INTS6: variants seen among roughly 807,000 people sequenced by gnomAD.
The protein encoded by INTS6 is integrator complex subunit 6.
In INTS6, 16 loss-of-function variants were observed where a neutral mutation model predicts 104.9. That is an observed-to-expected ratio of 0.15 (90% CI 0.10 to 0.23). The LOEUF (loss-of-function observed/expected upper bound fraction) is 0.23. Among genes scored for constraint, INTS6 ranks in the 10% least tolerant of loss-of-function variants. The probability of loss-of-function intolerance (pLI) is 1.00; values close to 1 mark genes in which losing one functional copy is unlikely to be tolerated. For synonymous variants in INTS6, 324 were observed against 358.7 expected (o/e 0.90, Z 1.09); for missense variants, 584 against 1,062.8 (o/e 0.55, Z 6.26).
the INTS6 span, chr13:51,341,082 C>T: frequency 6.2e-7 from 1 of 1,612,888 alleles, no homozygotes; most frequent in South Asian, 1.1e-5. Context: ...CAGGAACCCT[C>T]CCAGCCTCCA....
intron 11 of INTS6, among the ~76,000 whole-genome samples, chr13:51,379,129 TAAAG>T (rs1955995311): frequency 6.6e-6 from 1 of 151,726 alleles, no homozygotes; most frequent in South Asian, 2.1e-4. Flanking sequence ...TTTCAAAACA[TAAAG>T]AGTTTTTTTT....
chr13:51,347,314 G>A, the INTS6 span: 2 of 1,198,928 alleles, frequency 1.7e-6, no homozygotes, highest in Non-Finnish European at 1.2e-6. Flanking sequence ...CCAGGTCCCT[G>A]CTCCTAAGGG....
the INTS6 span, among the ~76,000 whole-genome samples, chr13:51,343,832 C>T: frequency 1.3e-5 from 2 of 152,202 alleles, no homozygotes; most frequent in Non-Finnish European, 1.5e-5. Flanking sequence ...GTCACTGTAA[C>T]ATTGCACATA....
Position 51,436,170 on chromosome 13 carries a change from A to G in INTS6, c.340-5787T>C, listed in dbSNP as rs535672665. ...AAACTGATTAGCCATGGTTGCCTCCATAGAAAGGAAGTAAACAATTGGGTA... is the reference window on the plus strand; with the variant it reads ...AAACTGATTAGCCATGGTTGCCTCCGTAGAAAGGAAGTAAACAATTGGGTA... On this transcript the variant is annotated intron_variant, in intron 3 of 17. Coordinates refer to ENST00000311234, the MANE Select transcript of INTS6 (RefSeq NM_012141.3). Among the ~76,000 whole-genome samples the G allele has an allele frequency of 3.9e-5, 6 of 152,260 alleles. No individual in the cohort carries two copies. The South Asian group carries it at 1.2e-3, about 32-fold the overall frequency.
At chr13:51,416,591 T>C (rs928207414) in intron 4 of INTS6, among the ~76,000 whole-genome samples, 1 of 152,246 alleles carries the variant, frequency 6.6e-6, no homozygotes, top group East Asian at 1.9e-4. Context: ...TTCCATTGTA[T>C]GGATGTATCA....
At chr13:51,345,290 A>G in the INTS6 span, among the ~76,000 whole-genome samples, 1 of 152,182 alleles carries the variant, frequency 6.6e-6, no homozygotes, top group South Asian at 2.1e-4. Context: ...ATCATTTCAA[A>G]AGTTTCATAG....
At chr13:51,368,867 CTTTT>C (rs141440216) in intron 16 of INTS6, 68 bp downstream of exon 16, 7 of 1,431,780 alleles carry the variant, frequency 4.9e-6, no homozygotes, top group African/African-American at 2.9e-5. Context: ...AGTTACTTGA[CTTTT>C]TTTTTCTTTT....
chr13:51,406,227 A>C (rs1318191292), intron 4 of INTS6, among the ~76,000 whole-genome samples: 2 of 152,088 alleles, frequency 1.3e-5, no homozygotes, highest in Non-Finnish European at 2.9e-5. Flanking sequence ...ATCAATAATC[A>C]AATAATAAAA....
intron 3 of INTS6, among the ~76,000 whole-genome samples, chr13:51,431,556 C>A (rs1173735455): frequency 6.6e-6 from 1 of 152,134 alleles, no homozygotes; most frequent in Non-Finnish European, 1.5e-5. Flanking sequence ...TTACAACTCT[C>A]AATTCCTAAC....
At chr13:51,334,578 C>T in the INTS6 span, among the ~76,000 whole-genome samples, 2 of 151,908 alleles carry the variant, frequency 1.3e-5, no homozygotes, top group South Asian at 2.1e-4. Flanking sequence ...TTTTTTGAGG[C>T]GCTTAATAAA....
intron 3 of INTS6, among the ~76,000 whole-genome samples, chr13:51,435,680 C>T (rs1334472135): frequency 4.6e-5 from 7 of 151,922 alleles, no homozygotes; most frequent in Non-Finnish European, 1.0e-4. Flanking sequence ...CTCAGGAAAA[C>T]AATTATTTTC....
intron 13 of INTS6, among the ~76,000 whole-genome samples, chr13:51,375,283 C>T (rs898718634): frequency 2.8e-5 from 4 of 144,644 alleles, no homozygotes; most frequent in Admixed American, 7.1e-5. Context: ...ACCCAGGATG[C>T]GGAGGTTGCA....
At chr13:51,436,067 T>G (rs1489770683) in intron 3 of INTS6, among the ~76,000 whole-genome samples, 1 of 152,082 alleles carries the variant, frequency 6.6e-6, no homozygotes. Context: ...GATGTCAAAC[T>G]CTAAAATATT....
At chr13:51,411,868 C>CA (rs1956693822) in intron 4 of INTS6, among the ~76,000 whole-genome samples, 2 of 152,212 alleles carry the variant, frequency 1.3e-5, no homozygotes, top group South Asian at 4.2e-4. Context: ...ACTTGTATAC[C>CA]AATGTTCACA....
intron 4 of INTS6, among the ~76,000 whole-genome samples, chr13:51,423,598 T>C (rs1956934381): frequency 6.6e-6 from 1 of 152,082 alleles, no homozygotes. Context: ...CAGAAGTTAA[T>C]TTTTGGGGGC....
chr13:51,395,691 G>GA (rs921982813), intron 4 of INTS6, among the ~76,000 whole-genome samples: 5 of 152,100 alleles, frequency 3.3e-5, no homozygotes, highest in African/African-American at 1.2e-4. Context: ...GATATAGACT[G>GA]AAAAAAATCT....
At chr13:51,420,847 G>A (rs868688175) in intron 4 of INTS6, among the ~76,000 whole-genome samples, 14 of 151,488 alleles carry the variant, frequency 9.2e-5, no homozygotes, top group African/African-American at 3.2e-4. Context: ...AGGCTATTTC[G>A]GTCTAAGACA....
chr13:51,450,049 A>G (rs1953002791), intron 3 of INTS6: 3 of 985,376 alleles, frequency 3.0e-6, no homozygotes, highest in Middle Eastern at 1.0e-3. Flanking sequence ...GAAGCAAATA[A>G]AAGTTGTAGT....
At chr13:51,400,295 C>T (rs980458444) in intron 4 of INTS6, among the ~76,000 whole-genome samples, 11 of 152,226 alleles carry the variant, frequency 7.2e-5, no homozygotes, top group Admixed American at 3.3e-4. Flanking sequence ...ATCTTCTACT[C>T]TGTTACCTCT....
Sources: allele counts gnomAD v4.1 joint callset (sites outside exome capture counted in the v4.1 genomes callset), GRCh38; gene constraint gnomAD v4.1.1; transcripts MANE v1.5; gene names NCBI Gene and HGNC (gene_info 2026-07-23, HGNC 2026-07-21).